FREM2: variants seen among roughly 807,000 people sequenced by gnomAD.
FREM2 encodes FRAS1 related extracellular matrix 2.
Under a neutral mutation model 219.9 loss-of-function variants are expected in FREM2, and 119 were observed. The observed-to-expected ratio is 0.54, with a 90% confidence interval of 0.47 to 0.63. The LOEUF (loss-of-function observed/expected upper bound fraction) is 0.63. Ranked by LOEUF, FREM2 falls within the 30% of genes least tolerant of loss-of-function variation. The pLI, the probability that FREM2 is intolerant of heterozygous loss-of-function variation, is 0.00. For missense variants in FREM2, 4,030 were observed against 3,993.6 expected, an observed-to-expected ratio of 1.01 and a Z score of -0.25; for synonymous variants, 1,562 against 1,522.8, an observed-to-expected ratio of 1.03 and a Z score of -0.60.
chr13:38,793,356 G>T (rs1282213698), intron 6 of FREM2, among the ~76,000 whole-genome samples: 1 of 152,174 alleles, frequency 6.6e-6, no homozygotes, highest in Non-Finnish European at 1.5e-5. Flanking sequence ...TTTTCTAGCT[G>T]AACTTTGAGG....
At chr13:38,843,463 G>C (rs1445498527) in intron 6 of FREM2, among the ~76,000 whole-genome samples, 1 of 150,782 alleles carries the variant, frequency 6.6e-6, no homozygotes, top group Admixed American at 6.6e-5. Context: ...GTTTACCAAA[G>C]AAAGAGGTGA....
intron 6 of FREM2, among the ~76,000 whole-genome samples, chr13:38,835,328 T>A (rs1047301776): frequency 2.0e-5 from 3 of 152,180 alleles, no homozygotes; most frequent in African/African-American, 7.2e-5. Context: ...GGTACCAGCA[T>A]CATGCTGTTT....
At chr13:38,788,564 A>G (rs1319654088) in intron 6 of FREM2, among the ~76,000 whole-genome samples, 1 of 152,146 alleles carries the variant, frequency 6.6e-6, no homozygotes, top group Non-Finnish European at 1.5e-5. Flanking sequence ...TATAGAATTG[A>G]CAATATTGAC....
rs73466068 is a variant in FREM2, at chr13:38,885,224, A to G, written c.*4437A>G. 1.1e-3 allele frequency: 165 copies of G among 152,320 alleles called. 1 individual carries two copies. The highest frequency in any genetic ancestry group is 3.8e-3 in the African/African-American group (159 of 41,594). The allele number at this position is 152,320 out of a possible 1,614,324, so 9.4% of individuals were successfully genotyped here. A position where few individuals can be genotyped will look rare whatever the true frequency, so the allele number is the denominator to read the frequency against. ...CAGAAACTTCTCCATAAGGAAAGAA[A>G]ACTGACTCTCTCTTGAACTAGTGTT... On this transcript the variant is annotated 3_prime_UTR_variant, in exon 24 of 24. Transcript: ENST00000280481.
At chr13:38,773,367 G>C (rs1873744006) in intron 4 of FREM2, among the ~76,000 whole-genome samples, 1 of 151,842 alleles carries the variant, frequency 6.6e-6, no homozygotes, top group African/African-American at 2.4e-5. Flanking sequence ...GTCACTCATT[G>C]AGATTGATTC....
intron 11 of FREM2, among the ~76,000 whole-genome samples, chr13:38,852,952 C>T (rs1877426353): frequency 6.6e-6 from 1 of 151,930 alleles, no homozygotes; most frequent in Non-Finnish European, 1.5e-5. Context: ...GTGATCTGCC[C>T]ACCTTGTCCT....
intron 4 of FREM2, among the ~76,000 whole-genome samples, chr13:38,772,074 A>G (rs780144805): frequency 6.6e-6 from 1 of 152,110 alleles, no homozygotes; most frequent in Non-Finnish European, 1.5e-5. Flanking sequence ...AGCTCTTTGC[A>G]TATAAATTCA....
rs116053717 is a variant in FREM2 at position 38,710,663 on chromosome 13, C to T, written c.5263+12876C>T. 6.3e-3 allele frequency among the ~76,000 whole-genome samples: 965 copies of T among 152,248 alleles called. 6 individuals are homozygous for T. The highest frequency in any genetic ancestry group is 0.022 in the African/African-American group (910 of 41,542). On this transcript the variant is annotated intron_variant, in intron 2 of 23. Coordinates refer to ENST00000280481, the MANE Select transcript of FREM2 (RefSeq NM_207361.6). ...GTGCTGAGTTGCCTTAGTCACCACA[C>T]GGCACTTAGTAGGAGGTCAATAAAT...
At position 38,688,614 on chromosome 13, in the gene FREM2, C is replaced by T. The variant is rs1300426423; in HGVS notation, c.1270C>T (p.Pro424Ser). 3 of 1,614,104 alleles carry T rather than the reference C, an allele frequency of 1.9e-6. No individual in the cohort carries two copies. In the South Asian group the frequency reaches 3.3e-5, roughly 18 times the overall value. ...VVDLEGAASD[P>S]FAFMVVVKPM... ...GGATCTAGAAGGAGCAGCTTCAGAC[C>T]CTTTTGCCTTCATGGTAGTGGTGAA... The change falls in exon 1 of 24, where the codon CCT (proline) becomes TCT (serine). Residue 424 changes from proline (P) to serine (S), a missense_variant. Pro to Ser is a moderately conservative substitution (Grantham distance 74). This residue lies in a region of FREM2 where 3,102 missense variants were observed against 2,950.7 expected (regional missense o/e 1.05). Coordinates refer to ENST00000280481, the MANE Select transcript of FREM2 (RefSeq NM_207361.6).
chr13:38,880,306 A>G lies in FREM2; in HGVS notation c.9029A>G (p.Tyr3010Cys), dbSNP rs1270176251. The G allele has an allele frequency of 1.2e-6, 2 of 1,614,096 alleles. No homozygotes were observed. The highest frequency in any genetic ancestry group is 1.7e-6 in the Non-Finnish European group (2 of 1,180,008). ...LFQVALGREW[Y>C]IHTIYTVRSK... ...TAGGTCGCTCTAGGCCGAGAATGGT[A>G]TATACATACGATCTATACAGTGAGA... The change falls in exon 24 of 24, where the codon TAT becomes TGT. Residue 3010 changes from tyrosine to cysteine, a missense_variant. Physicochemically the swap from Tyr to Cys is radical, Grantham distance 194. This residue lies in a region of FREM2 where 928 missense variants were observed against 1,042.9 expected (regional missense o/e 0.89). Coordinates refer to ENST00000280481, the MANE Select transcript of FREM2 (RefSeq NM_207361.6).
chr13:38,726,082 C>G (rs1371613623), intron 2 of FREM2, among the ~76,000 whole-genome samples: 1 of 152,116 alleles, frequency 6.6e-6, no homozygotes, highest in Non-Finnish European at 1.5e-5. Context: ...CCATGCAGGG[C>G]TCCATGGAGA....
chr13:38,728,985 G>A (rs1160858521), intron 2 of FREM2, among the ~76,000 whole-genome samples: 26 of 152,174 alleles, frequency 1.7e-4, no homozygotes, highest in Admixed American at 3.3e-4. Flanking sequence ...ACAGGCATGC[G>A]CCACCACACC....
chr13:38,779,266 T>C (rs1427824818), intron 4 of FREM2, among the ~76,000 whole-genome samples: 1 of 151,902 alleles, frequency 6.6e-6, no homozygotes, highest in Non-Finnish European at 1.5e-5. Flanking sequence ...TTAGGACAAA[T>C]ACCTAATGCA....
chr13:38,769,068 C>T (rs1873551717), intron 3 of FREM2, among the ~76,000 whole-genome samples: 1 of 152,172 alleles, frequency 6.6e-6, no homozygotes, highest in Non-Finnish European at 1.5e-5. Context: ...CCATTAAGTG[C>T]TTAGAGAATA....
intron 6 of FREM2, among the ~76,000 whole-genome samples, chr13:38,822,597 G>T (rs1254869574): frequency 6.6e-6 from 1 of 151,736 alleles, no homozygotes; most frequent in South Asian, 2.1e-4. Flanking sequence ...CTAAATAGGG[G>T]GTTGAAAACA....
chr13:38,804,079 A>G (rs1415539177), intron 6 of FREM2, among the ~76,000 whole-genome samples: 4 of 152,110 alleles, frequency 2.6e-5, no homozygotes, highest in Non-Finnish European at 4.4e-5. Context: ...CTTTAAAGTA[A>G]CAACTTGAGA....
chr13:38,767,189 T>C (rs1343521658), intron 3 of FREM2, among the ~76,000 whole-genome samples: 1 of 152,234 alleles, frequency 6.6e-6, no homozygotes, highest in East Asian at 1.9e-4. Context: ...AACTGTTATA[T>C]GGCCTGGATG....
chr13:38,687,973 A>G lies in FREM2; in HGVS notation c.629A>G (p.Gln210Arg), dbSNP rs770347913. 2 of 1,612,730 alleles carry G rather than the reference A, an allele frequency of 1.2e-6. No homozygotes were observed. The highest frequency in any genetic ancestry group is 2.7e-5 in the African/African-American group (2 of 75,034). The change falls in exon 1 of 24, where the codon CAG becomes CGG. Residue 210 changes from glutamine (Q) to arginine (R), a missense_variant. Transcript: ENST00000280481. ...LDARSLEFAF[Q>R]PETEECRVGI... The stretch of plus-strand genomic sequence containing the variant: ...GCGCGGAGCCTGGAGTTCGCCTTCC[A>G]GCCCGAGACAGAGGAGTGCCGCGTG...
intron 3 of FREM2, among the ~76,000 whole-genome samples, chr13:38,768,983 G>A (rs1873549036): frequency 6.6e-6 from 1 of 152,066 alleles, no homozygotes; most frequent in South Asian, 2.1e-4. Flanking sequence ...GGAATTCTGG[G>A]GTGTTCCAGA....
Sources: allele counts gnomAD v4.1 joint callset (sites outside exome capture counted in the v4.1 genomes callset), GRCh38; gene constraint gnomAD v4.1.1; regional missense constraint gnomAD v4.1.1; transcripts MANE v1.5; gene names NCBI Gene and HGNC (gene_info 2026-07-23, HGNC 2026-07-21).